DPP6: variants seen among roughly 807,000 people sequenced by gnomAD.
The protein encoded by DPP6 is dipeptidyl peptidase like 6, also known as A-type potassium channel modulatory protein DPP6.
DPP6 carries 69 observed loss-of-function variants against 122.6 expected under a neutral mutation model. The observed-to-expected ratio is 0.56, with a 90% CI of 0.46 to 0.69. The LOEUF (loss-of-function observed/expected upper bound fraction) is 0.69. Ranked by LOEUF, DPP6 falls within the 30% of genes least tolerant of loss-of-function variation. The probability of loss-of-function intolerance (pLI) is 0.00; values close to 1 mark genes in which losing one functional copy is unlikely to be tolerated. For missense variants in DPP6, 928 were observed against 1,116.9 expected, an observed-to-expected ratio of 0.83 and a Z score of 2.41; for synonymous variants, 418 against 433.1, an observed-to-expected ratio of 0.97 and a Z score of 0.43.
chr7:154,086,215 A>G (rs955713344), intron 1 of DPP6, among the ~76,000 whole-genome samples: 2 of 151,948 alleles, frequency 1.3e-5, no homozygotes, highest in African/African-American at 4.8e-5. Flanking sequence ...GGCATAGCTC[A>G]TCAGAAATTC....
chr7:154,803,833 C>CCCGG, intron 13 of DPP6, 31 bp from the exon 14 acceptor site: 1 of 1,606,342 alleles, frequency 6.2e-7, no homozygotes, highest in Non-Finnish European at 8.5e-7. Context: ...ACACCGGTGT[C>CCCGG]TGCTCCTGAT....
rs569805728 is a variant in DPP6 at position 154,660,209 on chromosome 7, C to A, written c.681-9151C>A. On this transcript the variant is annotated intron_variant, in intron 6 of 25. Transcript: ENST00000377770. The stretch of plus-strand genomic sequence containing the variant: ...TAGTGTTCATGCAGTGATGGTGAAT[C>A]ACCATGGCATATTGGCCGTAGTGTT... 1.1e-3 allele frequency among the ~76,000 whole-genome samples: 166 copies of A among 149,648 alleles called. 5 individuals carry two copies. The East Asian group carries it at 0.031, about 28-fold the overall frequency.
chr7:153,966,652 T>C (rs1248506418), intron 1 of DPP6, among the ~76,000 whole-genome samples: 1 of 149,546 alleles, frequency 6.7e-6, no homozygotes. Context: ...GTGCACAACG[T>C]GCAGGTTTGT....
intron 1 of DPP6, among the ~76,000 whole-genome samples, chr7:154,265,542 A>T (rs530606443): frequency 2.6e-5 from 4 of 152,352 alleles, no homozygotes; most frequent in African/African-American, 9.6e-5. Context: ...GTAGACAATC[A>T]TGTTGTAACT....
intron 1 of DPP6, among the ~76,000 whole-genome samples, chr7:154,078,008 C>T (rs1249500722): frequency 6.6e-6 from 1 of 152,126 alleles, no homozygotes; most frequent in Admixed American, 6.6e-5. Flanking sequence ...TTATTTCTTT[C>T]ACAAAACCCT....
chr7:154,747,079 C>T (rs1843068857), intron 8 of DPP6, among the ~76,000 whole-genome samples: 1 of 152,144 alleles, frequency 6.6e-6, no homozygotes, highest in Non-Finnish European at 1.5e-5. Flanking sequence ...TCCTGGTTTT[C>T]AGAAAATAAC....
intron 1 of DPP6, among the ~76,000 whole-genome samples, chr7:154,289,050 G>A (rs184856165): frequency 1.7e-4 from 26 of 152,314 alleles, no homozygotes; most frequent in African/African-American, 5.5e-4. Context: ...GGCTTGCAGA[G>A]TTGCAGCAAA....
At chr7:154,394,535 GTTGCC>G (rs1814912692) in intron 1 of DPP6, among the ~76,000 whole-genome samples, 1 of 151,860 alleles carries the variant, frequency 6.6e-6, no homozygotes, top group Admixed American at 6.6e-5. Context: ...TCTCCTGTGG[GTTGCC>G]TTTTTATTCT....
the DPP6 span, among the ~76,000 whole-genome samples, chr7:153,772,816 CAAGACTTTTGCCTCTGATATAA>C: frequency 3.1e-3 from 456 of 148,292 alleles, no homozygotes; most frequent in African/African-American, 0.011. Flanking sequence ...ATATCATATA[CAAGACTTTTGCCTCTGATATAA>C]AAGACTTTTG....
chr7:154,287,003 A>G (rs1323992759), intron 1 of DPP6, among the ~76,000 whole-genome samples: 1 of 152,056 alleles, frequency 6.6e-6, no homozygotes, highest in Non-Finnish European at 1.5e-5. Flanking sequence ...GGGGTTCACC[A>G]TGTTGGCCAG....
the DPP6 span, among the ~76,000 whole-genome samples, chr7:153,835,252 G>A: frequency 6.6e-6 from 1 of 152,182 alleles, no homozygotes; most frequent in East Asian, 1.9e-4. Context: ...TGGCTTTTAA[G>A]TAGCAGTGAA....
intron 23 of DPP6, among the ~76,000 whole-genome samples, chr7:154,888,129 C>T (rs1806316112): frequency 6.8e-6 from 1 of 147,428 alleles, no homozygotes; most frequent in African/African-American, 2.5e-5. Flanking sequence ...TGCTCCATTG[C>T]CCAGTCTAGA....
intron 1 of DPP6, among the ~76,000 whole-genome samples, chr7:153,956,002 A>C (rs2129024743): frequency 6.6e-6 from 1 of 152,304 alleles, no homozygotes; most frequent in Middle Eastern, 3.4e-3. Context: ...GGTCCTATAA[A>C]GGTGCGTGAG....
intron 1 of DPP6, among the ~76,000 whole-genome samples, chr7:154,207,077 G>T (rs1469533601): frequency 6.6e-6 from 1 of 152,178 alleles, no homozygotes; most frequent in African/African-American, 2.4e-5. Context: ...ATCCAGATTC[G>T]AAGAATTTGA....
At chr7:154,649,459 G>A (rs57710565) in intron 6 of DPP6, among the ~76,000 whole-genome samples, 4,379 of 152,244 alleles carry the variant, frequency 0.029, 153 homozygotes, top group East Asian at 0.19. Flanking sequence ...GTGCCCAACT[G>A]TCTTCCAAAG....
chr7:154,751,971 T>C (rs1269867975), intron 8 of DPP6, among the ~76,000 whole-genome samples: 3 of 152,136 alleles, frequency 2.0e-5, no homozygotes, highest in Non-Finnish European at 4.4e-5. Context: ...TCTTGGGTCT[T>C]GTGCAGGAAG....
chr7:154,611,539 A>G (rs12719635), intron 5 of DPP6, among the ~76,000 whole-genome samples: 61,394 of 151,822 alleles, frequency 0.4, 13,390 homozygotes, highest in East Asian at 0.65. Flanking sequence ...GAGTGTGTGC[A>G]TGTGTGTGTG....
intron 1 of DPP6, among the ~76,000 whole-genome samples, chr7:154,242,803 G>A (rs1334542504): frequency 6.6e-6 from 1 of 152,194 alleles, no homozygotes; most frequent in African/African-American, 2.4e-5. Flanking sequence ...CTCATTGCTG[G>A]TTTTTGGCTG....
At chr7:154,836,531 G>C (rs1043596838) in intron 16 of DPP6, among the ~76,000 whole-genome samples, 1 of 152,168 alleles carries the variant, frequency 6.6e-6, no homozygotes, top group Non-Finnish European at 1.5e-5. Context: ...CCTCTCCACA[G>C]AGCATTCATT....
Sources: allele counts gnomAD v4.1 joint callset (sites outside exome capture counted in the v4.1 genomes callset), GRCh38; gene constraint gnomAD v4.1.1; transcripts MANE v1.5; gene names NCBI Gene and HGNC (gene_info 2026-07-23, HGNC 2026-07-21).